The following ANKS3 variants were observed in gnomAD, a reference collection of about 807,000 sequenced individuals.
The protein encoded by ANKS3 is ankyrin repeat and SAM domain-containing protein 3.
Under a neutral mutation model 80.7 loss-of-function variants are expected in ANKS3, and 62 were observed. That is an observed-to-expected ratio of 0.77 (90% CI 0.63 to 0.95). ANKS3 has a LOEUF of 0.95. ANKS3 is among the 40% of genes least tolerant of loss of function. The probability of loss-of-function intolerance (pLI) is 0.00; values close to 1 mark genes in which losing one functional copy is unlikely to be tolerated. For missense variants in ANKS3, 1,150 were observed against 883.6 expected, an observed-to-expected ratio of 1.30 and a Z score of -3.82; for synonymous variants, 489 against 355.3, an observed-to-expected ratio of 1.38 and a Z score of -4.23.
intron 6 of ANKS3, among the ~76,000 whole-genome samples, chr16:4,714,570 C>A (rs1320620920): frequency 1.3e-5 from 2 of 152,230 alleles, no homozygotes; most frequent in Admixed American, 1.3e-4. Flanking sequence ...AAGCACCATC[C>A]TCTGAAGCAG....
At chr16:4,702,038 A>T in intron 9 of ANKS3, 64 bp downstream of exon 9, 1 of 1,496,416 alleles carries the variant, frequency 6.7e-7, no homozygotes, top group East Asian at 2.5e-5. Flanking sequence ...ATAAGTGGGG[A>T]TGGGCACACA....
chr16:4,703,199 A>G (rs1596360292), intron 8 of ANKS3, among the ~76,000 whole-genome samples: 1 of 151,982 alleles, frequency 6.6e-6, no homozygotes, highest in Admixed American at 6.6e-5. Context: ...TACAGCCTTG[A>G]CCTCCTGGGC....
intron 6 of ANKS3, among the ~76,000 whole-genome samples, chr16:4,722,575 C>CA (rs1228159968): frequency 0.013 from 684 of 51,036 alleles, 8 homozygotes; most frequent in East Asian, 0.025. Flanking sequence ...GACTCAGTCT[C>CA]AAAAAAAAAA....
rs545525544 is a variant in ANKS3 at position 4,709,972 on chromosome 16, C to T, written c.709+4079G>A. Reference sequence around the variant, plus strand: ...GCTGCAGTGAGCCAAGATTATGCCACCACACTCCAGCCTGGGTGACAAAGC... The same window carrying T: ...GCTGCAGTGAGCCAAGATTATGCCATCACACTCCAGCCTGGGTGACAAAGC... On this transcript the variant is annotated intron_variant, in intron 7 of 17. Coordinates refer to ENST00000304283, the MANE Select transcript of ANKS3 (RefSeq NM_133450.4). Among the ~76,000 whole-genome samples, 5 of 152,262 alleles carry T rather than the reference C, an allele frequency of 3.3e-5. No homozygotes were observed. In the East Asian group the frequency reaches 9.6e-4, roughly 29 times the overall value.
chr16:4,731,238 T>G lies in ANKS3; in HGVS notation c.-3+274A>C, dbSNP rs79060612. Reference sequence around the variant, plus strand: ...GTGGATCTGTGACTCCATGCCTTTATGAAACCACAGAACTGAACACCAAAA... The same window carrying G: ...GTGGATCTGTGACTCCATGCCTTTAGGAAACCACAGAACTGAACACCAAAA... On this transcript the variant is annotated intron_variant, in intron 2 of 17. Coordinates refer to ENST00000304283, the MANE Select transcript of ANKS3 (RefSeq NM_133450.4). 6.0e-3 allele frequency among the ~76,000 whole-genome samples: 909 copies of G among 152,324 alleles called. 10 individuals carry two copies. Among genetic ancestry groups the G allele is most frequent in the African/African-American group, 0.021 (867 of 41,566 alleles).
intron 7 of ANKS3, among the ~76,000 whole-genome samples, chr16:4,705,638 C>T (rs1684616): frequency 0.52 from 78,082 of 149,892 alleles, 20,358 homozygotes; most frequent in East Asian, 0.58. Flanking sequence ...TGTTTTTTTT[C>T]TTTTCTTTTT....
At chr16:4,721,905 G>C (rs941668106) in intron 6 of ANKS3, among the ~76,000 whole-genome samples, 1 of 151,112 alleles carries the variant, frequency 6.6e-6, no homozygotes, top group Admixed American at 6.6e-5. Context: ...CAAAGTGCTG[G>C]GATTACAGGA....
At chr16:4,713,136 T>A (rs962096945) in intron 7 of ANKS3, among the ~76,000 whole-genome samples, 1 of 152,052 alleles carries the variant, frequency 6.6e-6, no homozygotes, top group Non-Finnish European at 1.5e-5. Context: ...CCGGGCATGG[T>A]GGTGCACGCC....
rs891065506 is a variant in ANKS3 at position 4,696,627 on chromosome 16, C to T, written c.*281G>A. The T allele has an allele frequency of 2.4e-5, 6 of 253,040 alleles. No individual in the cohort carries two copies. The highest frequency in any genetic ancestry group is 1.4e-4 in the African/African-American group (6 of 44,374). The allele number at this position is 253,040 out of a possible 1,614,324, so 15.7% of individuals were successfully genotyped here. On this transcript the variant is annotated 3_prime_UTR_variant, in exon 18 of 18. Transcript: ENST00000304283. Reference sequence around the variant, plus strand: ...CGTGTATATGGATACACTTTCCCCCCAGGGCCCTGCCTGGTATGGGCCAGG... The same window carrying T: ...CGTGTATATGGATACACTTTCCCCCTAGGGCCCTGCCTGGTATGGGCCAGG...
At chr16:4,704,077 G>A (rs968653885) in intron 8 of ANKS3, among the ~76,000 whole-genome samples, 2 of 152,232 alleles carry the variant, frequency 1.3e-5, no homozygotes, top group Non-Finnish European at 2.9e-5. Flanking sequence ...CAGCGGACGG[G>A]ACACGGGCGG....
intron 6 of ANKS3, among the ~76,000 whole-genome samples, chr16:4,723,571 C>T (rs969858830): frequency 2.0e-5 from 3 of 152,176 alleles, no homozygotes; most frequent in South Asian, 4.1e-4. Flanking sequence ...TACCGGCGTG[C>T]GCCACCGCAC....
At chr16:4,722,751 C>G (rs2081167715) in intron 6 of ANKS3, among the ~76,000 whole-genome samples, 1 of 150,728 alleles carries the variant, frequency 6.6e-6, no homozygotes, top group Non-Finnish European at 1.5e-5. Context: ...AACCTCATCT[C>G]TACTAAAATA....
intron 7 of ANKS3, among the ~76,000 whole-genome samples, chr16:4,710,050 T>G (rs2080402659): frequency 6.6e-6 from 1 of 152,076 alleles, no homozygotes; most frequent in Non-Finnish European, 1.5e-5. Context: ...CATGACTACA[T>G]GATGTCACCC....
chr16:4,705,633 TTTTTC>T (rs1369585238), intron 7 of ANKS3, among the ~76,000 whole-genome samples: 1 of 151,810 alleles, frequency 6.6e-6, no homozygotes, highest in Non-Finnish European at 1.5e-5. Flanking sequence ...CCCAGTGTTT[TTTTTC>T]TTTTCTTTTT....
At chr16:4,727,322 C>T in intron 3 of ANKS3, 145 bp from the exon 4 acceptor site, 1 of 781,028 alleles carries the variant, frequency 1.3e-6, no homozygotes, top group South Asian at 1.7e-5. Flanking sequence ...GGATTGGAGG[C>T]AGGCAGGCAG....
chr16:4,707,811 C>T (rs1327989141), intron 7 of ANKS3, among the ~76,000 whole-genome samples: 1 of 152,034 alleles, frequency 6.6e-6, no homozygotes, highest in Non-Finnish European at 1.5e-5. Context: ...ACACGGAACA[C>T]TAAAAAATAT....
intron 7 of ANKS3, among the ~76,000 whole-genome samples, chr16:4,707,239 G>C (rs531151852): frequency 1.6e-4 from 24 of 151,432 alleles, no homozygotes; most frequent in African/African-American, 5.8e-4. Context: ...CTATCAACGT[G>C]GAATTCAGGG....
In ANKS3 at chr16:4,698,785, C is replaced by G. The variant is rs1393278211; in HGVS notation, c.1551+15G>C. The G allele has an allele frequency of 6.3e-7, 1 of 1,595,768 alleles. No homozygotes were observed. The highest frequency in any genetic ancestry group is 8.5e-7 in the Non-Finnish European group (1 of 1,171,840). On this transcript the variant is annotated intron_variant, in intron 13 of 17. Coordinates refer to ENST00000304283, the MANE Select transcript of ANKS3 (RefSeq NM_133450.4). ...GGTGTCACCCTGCCCCCCCATCCCC[C>G]ACCCAGCCACTCACCTTGTGCAGCT...
intron 6 of ANKS3, among the ~76,000 whole-genome samples, chr16:4,716,326 A>G (rs1226738462): frequency 7.0e-6 from 1 of 142,332 alleles, no homozygotes; most frequent in East Asian, 2.1e-4. Context: ...GCACCACTGG[A>G]CTCCAGCCTG....
Sources: gnomAD v4.1 joint callset for allele counts (sites outside exome capture counted in the v4.1 genomes callset) on GRCh38, gnomAD v4.1.1 for gene constraint, MANE v1.5 for transcripts, NCBI Gene and HGNC (gene_info 2026-07-23, HGNC 2026-07-21) for gene names.